The following ADCY5 variants were observed in gnomAD, a reference collection of about 807,000 sequenced individuals.
ADCY5 encodes the protein adenylate cyclase type 5.
Under a neutral mutation model 119.7 loss-of-function variants are expected in ADCY5, and 30 were observed. That is an observed-to-expected ratio of 0.25 (90% CI 0.19 to 0.34). The LOEUF (loss-of-function observed/expected upper bound fraction) is 0.34, where lower values mean the gene tolerates loss of function less well. Among genes scored for constraint, ADCY5 ranks in the 10% least tolerant of loss-of-function variants. The pLI is 1.00. For missense variants in ADCY5, 1,324 were observed against 1,775.2 expected (o/e 0.75, Z 4.57); for synonymous variants, 753 against 762.2 (o/e 0.99, Z 0.20).
chr3:123,449,076 G>GGACTGGGAGC lies in ADCY5; in HGVS notation c.-541_-532dup, dbSNP rs1945889903. The GGACTGGGAGC allele has an allele frequency of 6.6e-6, 1 of 152,470 alleles. No homozygotes were observed. The highest frequency in any genetic ancestry group is 1.5e-5 in the Non-Finnish European group (1 of 68,276). 9.4% of individuals were successfully genotyped at this position (152,470 alleles called of 1,614,324 possible). On this transcript the variant is annotated 5_prime_UTR_variant, in exon 1 of 21. Coordinates refer to ENST00000462833, the MANE Select transcript of ADCY5 (RefSeq NM_183357.3). ...ACTGCGGGTGCGCTTTCCTCGCAGC[G>GGACTGGGAGC]GACTGGGAGCGACTGGGAGGTGCGG...
At chr3:123,419,754 A>G (rs1945262698) in intron 1 of ADCY5, among the ~76,000 whole-genome samples, 1 of 151,788 alleles carries the variant, frequency 6.6e-6, no homozygotes, top group Admixed American at 6.6e-5. Context: ...GGCCCCTCTC[A>G]AAAGTGACCT....
chr3:123,322,614 T>C (rs904542690), intron 8 of ADCY5, among the ~76,000 whole-genome samples: 2 of 152,202 alleles, frequency 1.3e-5, no homozygotes, highest in African/African-American at 4.8e-5. Flanking sequence ...CAGCGGCTAC[T>C]TGGCCTCTCC....
chr3:123,341,093 C>T (rs1055461313), intron 3 of ADCY5, among the ~76,000 whole-genome samples: 4 of 152,068 alleles, frequency 2.6e-5, no homozygotes, highest in Non-Finnish European at 5.9e-5. Context: ...CCACTGTACT[C>T]CAGCCTGGGT....
intron 1 of ADCY5, among the ~76,000 whole-genome samples, chr3:123,355,338 G>T (rs1943002369): frequency 6.6e-6 from 1 of 152,050 alleles, no homozygotes; most frequent in African/African-American, 2.4e-5. Context: ...ATTTTTAAAG[G>T]TATAGTTGGC....
intron 1 of ADCY5, among the ~76,000 whole-genome samples, chr3:123,369,284 T>C (rs1296704230): frequency 1.3e-5 from 2 of 152,202 alleles, no homozygotes; most frequent in African/African-American, 4.8e-5. Flanking sequence ...GCTCTTGGAC[T>C]TCCCAGTCTG....
chr3:123,448,600 T>C lies in ADCY5; in HGVS notation c.-55A>G. On this transcript the variant is annotated 5_prime_UTR_variant, in exon 1 of 21. Coordinates refer to ENST00000462833, the MANE Select transcript of ADCY5 (RefSeq NM_183357.3). ...CCTCCCCCGGAAGCCGGGCCGGGGGTCTCCAAGGGGAGGGCGGACGGCCGA... is the reference window on the plus strand; with the variant it reads ...CCTCCCCCGGAAGCCGGGCCGGGGGCCTCCAAGGGGAGGGCGGACGGCCGA... 1 of 1,258,846 alleles carries C rather than the reference T, an allele frequency of 7.9e-7. No homozygotes were observed. Among genetic ancestry groups the C allele is most frequent in the Non-Finnish European group, 1.0e-6 (1 of 1,003,084 alleles). 78.0% of individuals were successfully genotyped at this position (1,258,846 alleles called of 1,614,324 possible).
At chr3:123,315,165 AC>A (rs1418766882) in intron 11 of ADCY5, among the ~76,000 whole-genome samples, 3 of 152,334 alleles carry the variant, frequency 2.0e-5, no homozygotes, top group Admixed American at 1.3e-4. Context: ...GAGTGGCCTG[AC>A]GAGGCCAGGT....
At chr3:123,405,011 C>T (rs1944865034) in intron 1 of ADCY5, among the ~76,000 whole-genome samples, 1 of 152,252 alleles carries the variant, frequency 6.6e-6, no homozygotes, top group South Asian at 2.1e-4. Flanking sequence ...ACAAACCTGC[C>T]CCCCTTGTTT....
intron 1 of ADCY5, among the ~76,000 whole-genome samples, chr3:123,359,681 C>G (rs1413941094): frequency 6.6e-6 from 1 of 152,100 alleles, no homozygotes; most frequent in East Asian, 1.9e-4. Flanking sequence ...ACCCTGGGGG[C>G]AGAGAACCAG....
chr3:123,310,671 T>C (rs1281139014), intron 12 of ADCY5, among the ~76,000 whole-genome samples: 2 of 151,910 alleles, frequency 1.3e-5, no homozygotes, highest in African/African-American at 4.8e-5. Flanking sequence ...GGGAAGGAGG[T>C]TGGGTTCGTG....
intron 3 of ADCY5, among the ~76,000 whole-genome samples, chr3:123,334,187 G>A (rs1941916991): frequency 6.6e-6 from 1 of 152,110 alleles, no homozygotes; most frequent in East Asian, 1.9e-4. Context: ...TAAGCGGGAG[G>A]CTTCCAACAT....
intron 2 of ADCY5, among the ~76,000 whole-genome samples, chr3:123,351,701 G>A (rs968779963): frequency 1.3e-5 from 2 of 152,170 alleles, no homozygotes; most frequent in African/African-American, 4.8e-5. Flanking sequence ...ACACAGAAGA[G>A]GAGACAGTGG....
chr3:123,445,269 CAGA>C (rs1169020384), intron 1 of ADCY5, among the ~76,000 whole-genome samples: 1 of 152,088 alleles, frequency 6.6e-6, no homozygotes, highest in Non-Finnish European at 1.5e-5. Flanking sequence ...CCTAAGGAAC[CAGA>C]AGGAGAAGTC....
intron 8 of ADCY5, among the ~76,000 whole-genome samples, chr3:123,324,729 A>T (rs1445309130): frequency 6.6e-6 from 1 of 152,118 alleles, no homozygotes. Flanking sequence ...CTGGAGGTGG[A>T]GCTGACACCC....
chr3:123,387,914 C>T (rs1944278508), intron 1 of ADCY5, among the ~76,000 whole-genome samples: 1 of 152,162 alleles, frequency 6.6e-6, no homozygotes, highest in Non-Finnish European at 1.5e-5. Flanking sequence ...AAGAGTCCAT[C>T]CCTGAATGCT....
Position 123,323,503 on chromosome 3 carries a change from T to C in ADCY5, c.2088+1819A>G, listed in dbSNP as rs548974540. Among the ~76,000 whole-genome samples, 3 of 152,104 alleles carry C rather than the reference T, an allele frequency of 2.0e-5. No individual in the cohort carries two copies. In the East Asian group the frequency reaches 5.8e-4, roughly 29 times the overall value. ...CCTCCCTGCTGGTTGTTCCCTGCTC[T>C]TCCCTGGCCACCTCTCTGCCTTCCC... On this transcript the variant is annotated intron_variant, in intron 8 of 20. Coordinates refer to ENST00000462833, the MANE Select transcript of ADCY5 (RefSeq NM_183357.3).
chr3:123,388,942 T>G (rs1054019139), intron 1 of ADCY5, among the ~76,000 whole-genome samples: 1 of 152,094 alleles, frequency 6.6e-6, no homozygotes, highest in East Asian at 1.9e-4. Context: ...GAGGTGTTTC[T>G]ATACTGGGGA....
Position 123,420,627 on chromosome 3 carries a change from G to A in ADCY5, c.1134+26785C>T, listed in dbSNP as rs191185739. Among the ~76,000 whole-genome samples the A allele has an allele frequency of 1.4e-4, 22 of 152,244 alleles. No homozygotes were observed. The East Asian group carries it at 2.7e-3, about 19-fold the overall frequency. On this transcript the variant is annotated intron_variant, in intron 1 of 20. Transcript: ENST00000462833. ...AGGCCAGCCAAAGCCTCGCCACCCC[G>A]GTCTGCTCAGTTCTGACACTGTTTG...
intron 1 of ADCY5, among the ~76,000 whole-genome samples, chr3:123,363,404 C>A (rs190970093): frequency 6.6e-6 from 1 of 152,120 alleles, no homozygotes; most frequent in Non-Finnish European, 1.5e-5. Context: ...GAATGCAAAT[C>A]GGCATAACCT....
Sources: gnomAD v4.1 joint callset for allele counts (sites outside exome capture counted in the v4.1 genomes callset) on GRCh38, gnomAD v4.1.1 for gene constraint, MANE v1.5 for transcripts, NCBI Gene and HGNC (gene_info 2026-07-23, HGNC 2026-07-21) for gene names.